The following MED24 variants were observed in gnomAD, a reference collection of about 807,000 sequenced individuals.
MED24 encodes mediator complex subunit 24.
Under a neutral mutation model 118.8 loss-of-function variants are expected in MED24, and 74 were observed. The ratio of observed to expected loss-of-function variants is 0.62; its 90% CI spans 0.52 to 0.76. The LOEUF (loss-of-function observed/expected upper bound fraction) is 0.76, where lower values mean the gene tolerates loss of function less well. Among genes scored for constraint, MED24 ranks in the 30% least tolerant of loss-of-function variants. The probability of loss-of-function intolerance (pLI) is 0.00; values close to 1 mark genes in which losing one functional copy is unlikely to be tolerated. For synonymous variants in MED24, 521 were observed against 523.9 expected (o/e 0.99, Z 0.08); for missense variants, 1,041 against 1,278.9 (o/e 0.81, Z 2.84).
chr17:40,022,476 A>G lies in MED24; in HGVS notation c.2441T>C (p.Val814Ala). ...PPGTALAKLA[V>A]WCALSSYSSH... ...GGAGTAGGAACTGAGGGCACACCAC[A>G]CGGCCAGCCTGGCAAAGGGTTCCAG... The change falls in exon 22 of 26, where the codon GTG (valine) becomes GCG (alanine). Residue 814 changes from valine (V) to alanine (A), a missense_variant. By Grantham distance (64) the Val-to-Ala change is moderately conservative. This residue lies in a region of MED24 where 587 missense variants were observed against 694.4 expected (regional missense o/e 0.85). Coordinates refer to ENST00000394128, the MANE Select transcript of MED24 (RefSeq NM_014815.4). 6.2e-7 allele frequency: 1 copy of G among 1,608,834 alleles called. No homozygotes were observed. Among genetic ancestry groups the G allele is most frequent in the Non-Finnish European group, 8.5e-7 (1 of 1,177,848 alleles).
intron 3 of MED24, among the ~76,000 whole-genome samples, chr17:40,046,528 G>A: frequency 7.0e-6 from 1 of 142,484 alleles, no homozygotes. Context: ...GGCGGATCAT[G>A]AGGTCAGGAG....
intron 3 of MED24, among the ~76,000 whole-genome samples, chr17:40,044,001 C>T (rs566603464): frequency 1.0e-3 from 152 of 150,654 alleles, no homozygotes; most frequent in African/African-American, 3.1e-3. Context: ...TGGTGGCACC[C>T]GCCCATAGTC....
In MED24 at chr17:40,022,141, C is replaced by T. The variant is rs974140020; in HGVS notation, c.2524-87G>A. On this transcript the variant is annotated intron_variant, in intron 22 of 25. Transcript: ENST00000394128. ...AAAAGAGCTTGAGCTCCGATTTGAG[C>T]GAGGTCAGCATGGCTAGCAGGGCCT... The T allele has an allele frequency of 6.9e-5, 78 of 1,128,720 alleles. No individual in the cohort carries two copies. In the East Asian group the frequency reaches 1.7e-3, roughly 25 times the overall value. The allele number at this position is 1,128,720 out of a possible 1,614,324, so 69.9% of individuals were successfully genotyped here. A position where few individuals can be genotyped will look rare whatever the true frequency, so the allele number is the denominator to read the frequency against.
intron 3 of MED24, among the ~76,000 whole-genome samples, chr17:40,052,513 C>T (rs748933628): frequency 1.3e-5 from 2 of 152,178 alleles, no homozygotes; most frequent in Non-Finnish European, 2.9e-5. Context: ...CAGCTATATT[C>T]CCCAGGGGCT....
Position 40,053,278 on chromosome 17 carries a change from G to A in MED24, c.213+20C>T, listed in dbSNP as rs560583686. 1.4e-4 allele frequency: 214 copies of A among 1,580,302 alleles called. No homozygotes were observed. Among genetic ancestry groups the A allele is most frequent in the Non-Finnish European group, 1.8e-4 (207 of 1,163,020 alleles). On this transcript the variant is annotated intron_variant, in intron 3 of 25. Coordinates refer to ENST00000394128, the MANE Select transcript of MED24 (RefSeq NM_014815.4). ...CCCCCAGAACTCTCACTTCTTGGTG[G>A]GGGTTTGCGGGAAGCTTACCTGGGA...
intron 23 of MED24, chr17:40,021,326 C>T (rs1981977138): frequency 6.6e-6 from 1 of 152,324 alleles, no homozygotes; most frequent in South Asian, 2.1e-4. Flanking sequence ...AACCTAGCAT[C>T]TTTCTTCTGA....
intron 19 of MED24, among the ~76,000 whole-genome samples, chr17:40,024,467 G>C (rs922098619): frequency 2.0e-5 from 3 of 152,162 alleles, no homozygotes; most frequent in Non-Finnish European, 4.4e-5. Flanking sequence ...CCAGGAGGCG[G>C]AGATTGCAGT....
At chr17:40,044,389 G>C (rs1172275245) in intron 3 of MED24, among the ~76,000 whole-genome samples, 1 of 151,214 alleles carries the variant, frequency 6.6e-6, no homozygotes, top group Non-Finnish European at 1.5e-5. Context: ...GCATGGTGGC[G>C]CATGCCTGTA....
intron 3 of MED24, among the ~76,000 whole-genome samples, chr17:40,048,840 C>G (rs886887950): frequency 9.2e-5 from 14 of 152,194 alleles, no homozygotes; most frequent in African/African-American, 3.4e-4. Context: ...CAGGCAGGAG[C>G]CACCATGCCT....
chr17:40,036,346 A>G (rs1983928049), intron 3 of MED24, among the ~76,000 whole-genome samples, 192 bp from the exon 4 acceptor site: 1 of 152,060 alleles, frequency 6.6e-6, no homozygotes, highest in Non-Finnish European at 1.5e-5. Context: ...CTTACTGCAA[A>G]TGGTATCAGC....
intron 22 of MED24, 21 bp from the exon 23 acceptor site, chr17:40,022,075 T>C: frequency 6.5e-7 from 1 of 1,540,740 alleles, no homozygotes; most frequent in Non-Finnish European, 8.8e-7. Context: ...TGAAAGTCAC[T>C]GTTATACACC....
intron 11 of MED24, 142 bp from the exon 12 acceptor site, chr17:40,031,387 G>A (rs770107615): frequency 1.8e-5 from 22 of 1,204,918 alleles, no homozygotes; most frequent in Non-Finnish European, 2.5e-5. Context: ...AGGGGCTCTG[G>A]GGACTTGGCA....
intron 23 of MED24, 148 bp from the exon 24 acceptor site, chr17:40,020,501 A>T: frequency 6.6e-7 from 1 of 1,526,352 alleles, no homozygotes; most frequent in South Asian, 1.2e-5. Flanking sequence ...AAGAGCACAA[A>T]GGGAGGCCAG....
At chr17:40,039,645 T>C (rs575260065) in intron 3 of MED24, among the ~76,000 whole-genome samples, 9 of 152,316 alleles carry the variant, frequency 5.9e-5, no homozygotes, top group African/African-American at 2.2e-4. Context: ...GACTCTTCTA[T>C]TGGTCTGTTT....
At chr17:40,041,701 C>T (rs539841092) in intron 3 of MED24, among the ~76,000 whole-genome samples, 2 of 152,310 alleles carry the variant, frequency 1.3e-5, no homozygotes, top group South Asian at 2.1e-4. Flanking sequence ...GAAACCTAAG[C>T]GTTATCCTTG....
chr17:40,026,860 G>A lies in MED24; in HGVS notation c.1705C>T (p.Leu569=). 1 of 1,612,744 alleles carries A rather than the reference G, an allele frequency of 6.2e-7. No individual in the cohort carries two copies. The highest frequency in any genetic ancestry group is 8.5e-7 in the Non-Finnish European group (1 of 1,179,020). The change falls in exon 17 of 26, where the codon CTA becomes TTA. Residue 569 remains leucine (L), a synonymous_variant. Transcript: ENST00000394128. ...GTGGGCGCCCGGGCCACTGACACTA[G>A]CTTCATCTCCGAGGAGTTGTTGAGC... ...ALLNNSSEMK[L]VQMKWHEACL...
intron 19 of MED24, 146 bp from the exon 20 acceptor site, chr17:40,023,541 G>A: frequency 1.3e-6 from 1 of 750,596 alleles, no homozygotes; most frequent in Non-Finnish European, 2.1e-6. Context: ...CTGGGGGACG[G>A]TATACCCCGG....
At chr17:40,032,558 A>C in intron 9 of MED24, 91 bp downstream of exon 9, 1 of 973,284 alleles carries the variant, frequency 1.0e-6, no homozygotes, top group Non-Finnish European at 1.6e-6. Context: ...CAGTGCCCGC[A>C]GGGAGGAACA....
rs980815592 is a variant in MED24 at position 40,046,559 on chromosome 17, A to T, written c.213+6739T>A. 4.9e-4 allele frequency among the ~76,000 whole-genome samples: 72 copies of T among 147,312 alleles called. No individual in the cohort carries two copies. The East Asian group carries it at 0.015, about 30-fold the overall frequency. On this transcript the variant is annotated intron_variant, in intron 3 of 25. Transcript: ENST00000394128. ...AGGAGATCGAGACCATCCCGGCTAA[A>T]ACGGTGAAACCCCGTCTCTACTAAA... is the stretch of plus-strand genomic sequence containing the variant.
Sources: gnomAD v4.1 joint callset for allele counts (sites outside exome capture counted in the v4.1 genomes callset) on GRCh38, gnomAD v4.1.1 for gene constraint, gnomAD v4.1.1 regional missense constraint, MANE v1.5 for transcripts, NCBI Gene and HGNC (gene_info 2026-07-23, HGNC 2026-07-21) for gene names.